Variants in CTNNA2 observed in about 807,000 individuals in gnomAD.
CTNNA2 encodes the protein catenin alpha-2.
A neutral mutation model predicts 101.0 loss-of-function variants in CTNNA2; 42 were observed. That is an observed-to-expected ratio of 0.42 (90% CI 0.32 to 0.54). CTNNA2 has a LOEUF of 0.54. Among genes scored for constraint, CTNNA2 ranks in the 20% least tolerant of loss-of-function variants. The probability of loss-of-function intolerance (pLI) is 0.14; values close to 1 mark genes in which losing one functional copy is unlikely to be tolerated. For missense variants in CTNNA2, 871 were observed against 1,223.1 expected, an observed-to-expected ratio of 0.71 and a Z score of 4.29; for synonymous variants, 450 against 456.4, an observed-to-expected ratio of 0.99 and a Z score of 0.18.
In CTNNA2 at chr2:79,242,109, T is replaced by C. The variant is rs906310226; in HGVS notation, c.-406+44033T>C. 7.9e-5 allele frequency among the ~76,000 whole-genome samples: 12 copies of C among 152,198 alleles called. No individual in the cohort carries two copies. The South Asian group carries it at 1.2e-3, about 16-fold the overall frequency. On this transcript the variant is annotated intron_variant, in intron 2 of 21. Coordinates refer to the CTNNA2 transcript ENST00000466387. ...TTTTAGTAGAGACGGGGTTTCACTG[T>C]GTTAGCCAGGATGGTCTCGATCTCC...
At chr2:80,439,692 C>T (rs1261199642) in intron 9 of CTNNA2, among the ~76,000 whole-genome samples, 7 of 152,206 alleles carry the variant, frequency 4.6e-5, no homozygotes, top group Non-Finnish European at 8.8e-5. Flanking sequence ...TGAGCCACCA[C>T]GCCAGGCCTT....
chr2:80,421,157 GA>G (rs1238068622), intron 9 of CTNNA2, among the ~76,000 whole-genome samples: 3 of 149,928 alleles, frequency 2.0e-5, no homozygotes, highest in Non-Finnish European at 3.0e-5. Flanking sequence ...AGAGGAGGAG[GA>G]AAAAAAAATA....
At chr2:79,966,309 C>T (rs1385017833) in intron 7 of CTNNA2, among the ~76,000 whole-genome samples, 1 of 152,098 alleles carries the variant, frequency 6.6e-6, no homozygotes, top group Non-Finnish European at 1.5e-5. Flanking sequence ...AGTCATGGCT[C>T]ACTGCAGCCT....
intron 8 of CTNNA2, among the ~76,000 whole-genome samples, chr2:80,399,225 C>T (rs1016612539): frequency 6.6e-6 from 1 of 152,014 alleles, no homozygotes; most frequent in Non-Finnish European, 1.5e-5. Flanking sequence ...TTAGGAAAAT[C>T]CTGATAAAAC....
rs140413858 is a variant in CTNNA2 at position 79,548,439 on chromosome 2, A to G, written c.-6+35232A>G. ...TTTCCATTTCTTCCATTTTAATGTC[A>G]TAGAATTGTTTATCTTCAGAAATGC... On this transcript the variant is annotated intron_variant, in intron 1 of 18. Transcript: ENST00000402739. Among the ~76,000 whole-genome samples, 49 of 152,280 alleles carry G rather than the reference A, an allele frequency of 3.2e-4. No homozygotes were observed. The East Asian group carries it at 9.3e-3, about 29-fold the overall frequency.
At chr2:79,563,757 G>A (rs2104151709) in intron 1 of CTNNA2, among the ~76,000 whole-genome samples, 1 of 152,194 alleles carries the variant, frequency 6.6e-6, no homozygotes, top group Middle Eastern at 3.4e-3. Context: ...ATGTTATGTG[G>A]AACTTACCAA....
At chr2:79,940,553 G>A (rs370739180) in intron 7 of CTNNA2, among the ~76,000 whole-genome samples, 2 of 152,164 alleles carry the variant, frequency 1.3e-5, no homozygotes, top group South Asian at 4.1e-4. Flanking sequence ...GGCAGCAGAT[G>A]AAGGTTGCCA....
At chr2:79,444,899 C>A (rs78091442) in intron 4 of CTNNA2, among the ~76,000 whole-genome samples, 2 of 152,018 alleles carry the variant, frequency 1.3e-5, no homozygotes, top group African/African-American at 4.8e-5. Flanking sequence ...GAAATTACTC[C>A]TTCCTCAGAA....
At chr2:80,095,362 C>G (rs1700078557) in intron 7 of CTNNA2, among the ~76,000 whole-genome samples, 1 of 152,188 alleles carries the variant, frequency 6.6e-6, no homozygotes. Context: ...CCCACTTGAT[C>G]ATGGTGGATA....
chr2:80,271,490 C>T (rs1673476753), intron 7 of CTNNA2, among the ~76,000 whole-genome samples: 1 of 151,052 alleles, frequency 6.6e-6, no homozygotes. Flanking sequence ...GGCGCGATCT[C>T]GGCTCACTGC....
intron 3 of CTNNA2, among the ~76,000 whole-genome samples, chr2:79,802,044 C>T (rs536215602): frequency 6.0e-5 from 9 of 149,568 alleles, no homozygotes; most frequent in Non-Finnish European, 1.2e-4. Context: ...AAAAGCTATT[C>T]CGATACAAAA....
intron 15 of CTNNA2, among the ~76,000 whole-genome samples, chr2:80,600,756 C>A (rs1270121485): frequency 2.0e-5 from 3 of 152,086 alleles, no homozygotes; most frequent in Non-Finnish European, 2.9e-5. Context: ...GCAAACCTCT[C>A]ACATCAGCCT....
At chr2:80,573,613 T>C (rs1279969034) in intron 12 of CTNNA2, among the ~76,000 whole-genome samples, 1 of 152,164 alleles carries the variant, frequency 6.6e-6, no homozygotes, top group African/African-American at 2.4e-5. Context: ...CCACATTTGA[T>C]TGTGAAGCCA....
At chr2:79,902,458 G>T (rs1352344891) in intron 6 of CTNNA2, among the ~76,000 whole-genome samples, 1 of 152,074 alleles carries the variant, frequency 6.6e-6, no homozygotes, top group African/African-American at 2.4e-5. Context: ...ATATGAAGGC[G>T]ATAGATTTTG....
chr2:79,361,159 C>T (rs114635922), intron 3 of CTNNA2, among the ~76,000 whole-genome samples: 625 of 152,266 alleles, frequency 4.1e-3, no homozygotes, highest in Middle Eastern at 0.01. Context: ...TTGAGATCTG[C>T]AGTAGAATGA....
chr2:79,885,545 T>C (rs889999784), intron 6 of CTNNA2, among the ~76,000 whole-genome samples: 1 of 152,234 alleles, frequency 6.6e-6, no homozygotes, highest in African/African-American at 2.4e-5. Context: ...TTCTCAATTC[T>C]AGTATTTCCT....
At chr2:80,569,765 C>T (rs1694409502) in intron 12 of CTNNA2, among the ~76,000 whole-genome samples, 1 of 149,818 alleles carries the variant, frequency 6.7e-6, no homozygotes, top group Non-Finnish European at 1.5e-5. Flanking sequence ...GCCTCAGCCT[C>T]CCAAGTAGCT....
intron 4 of CTNNA2, among the ~76,000 whole-genome samples, chr2:79,387,611 A>G (rs1403540084): frequency 2.0e-5 from 3 of 152,206 alleles, no homozygotes; most frequent in Admixed American, 2.0e-4. Flanking sequence ...CTGCTTCAGC[A>G]CAGGTTGGCA....
At chr2:80,287,644 G>A (rs984136282) in intron 7 of CTNNA2, among the ~76,000 whole-genome samples, 1 of 152,134 alleles carries the variant, frequency 6.6e-6, no homozygotes, top group African/African-American at 2.4e-5. Flanking sequence ...CTTGAAAGTC[G>A]AATTTTTAAG....
Sources: allele counts gnomAD v4.1 joint callset (sites outside exome capture counted in the v4.1 genomes callset), GRCh38; gene constraint gnomAD v4.1.1; transcripts MANE v1.5; gene names NCBI Gene and HGNC (gene_info 2026-07-23, HGNC 2026-07-21).